Variants in VWA5B1 observed in about 807,000 individuals in gnomAD.
The protein encoded by VWA5B1 is von Willebrand factor A domain-containing protein 5B1.
In VWA5B1, 115 loss-of-function variants were observed where a neutral mutation model predicts 118.2. That is an observed-to-expected ratio of 0.97 (90% confidence interval 0.84 to 1.14). The LOEUF (loss-of-function observed/expected upper bound fraction) is 1.14. VWA5B1 is among the 50% of genes most tolerant of loss of function. VWA5B1 has a pLI of 0.00. For synonymous variants in VWA5B1, 682 were observed against 658.4 expected (o/e 1.04, Z -0.55); for missense variants, 1,596 against 1,603.8 (o/e 1.00, Z 0.08).
chr1:20,343,176 C>T lies in VWA5B1; in HGVS notation c.2409C>T (p.Ala803=). ...AGCGAGCCAGTCCCAGCAGGCCCGC[C>T]ACCCCGGCCCCGGTGCTGGGCAAGG... ...SQERASPSRP[A]TPAPVLGKAL... The change falls in exon 16 of 22, where the codon GCC becomes GCT. Residue 803 remains alanine, a synonymous_variant. Coordinates refer to ENST00000289815, the MANE Select transcript of VWA5B1 (RefSeq NM_001039500.3). 1.3e-6 allele frequency: 2 copies of T among 1,549,612 alleles called. No individual in the cohort carries two copies. Among genetic ancestry groups the T allele is most frequent in the Admixed American group, 3.9e-5 (2 of 50,972 alleles).
intron 1 of VWA5B1, among the ~76,000 whole-genome samples, chr1:20,299,151 G>A (rs1286438660): frequency 1.3e-5 from 2 of 152,086 alleles, no homozygotes; most frequent in Non-Finnish European, 2.9e-5. Flanking sequence ...GCAAAGTGTC[G>A]GGAACCTCTA....
At chr1:20,332,545 A>AAAATG (rs2089598479) in intron 11 of VWA5B1, among the ~76,000 whole-genome samples, 2 of 142,336 alleles carry the variant, frequency 1.4e-5, no homozygotes, top group African/African-American at 2.7e-5. Context: ...AAAATAAAAT[A>AAAATG]AAATGCTAAG....
chr1:20,347,447 T>C (rs953047668), intron 17 of VWA5B1, among the ~76,000 whole-genome samples: 7 of 151,590 alleles, frequency 4.6e-5, no homozygotes, highest in East Asian at 3.9e-4. Flanking sequence ...TCTTCTTCTT[T>C]TTTTTTTTCT....
At chr1:20,303,864 C>T (rs1276432459) in intron 1 of VWA5B1, among the ~76,000 whole-genome samples, 1 of 152,244 alleles carries the variant, frequency 6.6e-6, no homozygotes, top group African/African-American at 2.4e-5. Context: ...CTCTTCCCTC[C>T]TGTGCTCAGC....
chr1:20,331,071 G>A, intron 11 of VWA5B1, 88 bp downstream of exon 11: 2 of 1,122,078 alleles, frequency 1.8e-6, no homozygotes, highest in Non-Finnish European at 2.5e-6. Flanking sequence ...GTGGAGCTGG[G>A]ATGACACCCC....
intron 14 of VWA5B1, chr1:20,338,224 T>G (rs2089778331): frequency 2.6e-6 from 1 of 390,428 alleles, no homozygotes; most frequent in African/African-American, 2.1e-5. Context: ...GTCAGAGGAT[T>G]GTAACCTGTC....
rs562647865 is a variant in VWA5B1, at chr1:20,353,754, C to T, written c.3142-3C>T. Reference sequence around the variant, plus strand: ...CCCACTGAAGGGCTTCCCCCACACACAGGTGTCTCTGCAGCTGGCCTCCGG... The same window carrying T: ...CCCACTGAAGGGCTTCCCCCACACATAGGTGTCTCTGCAGCTGGCCTCCGG... On this transcript the variant is annotated splice_polypyrimidine_tract_variant and splice_region_variant and intron_variant, in intron 21 of 21. Transcript: ENST00000289815. The T allele has an allele frequency of 1.4e-6, 2 of 1,455,312 alleles. No homozygotes were observed. The highest frequency in any genetic ancestry group is 2.5e-5 in the East Asian group (1 of 40,056). 90.1% of individuals were successfully genotyped at this position (1,455,312 alleles called of 1,614,324 possible). A position where few individuals can be genotyped will look rare whatever the true frequency, so the allele number is the denominator to read the frequency against.
At chr1:20,348,943 A>G (rs1462462728) in intron 18 of VWA5B1, among the ~76,000 whole-genome samples, 11 of 152,148 alleles carry the variant, frequency 7.2e-5, no homozygotes, top group Admixed American at 7.2e-4. Flanking sequence ...CTCTCTAAAG[A>G]CAGCCTAACT....
intron 14 of VWA5B1, chr1:20,338,590 C>T (rs555330997): frequency 2.9e-4 from 46 of 156,460 alleles, no homozygotes; most frequent in Non-Finnish European, 5.2e-4. Context: ...AGTGCAATGG[C>T]GCAATCTCAG....
rs146987190 is a variant in VWA5B1, at chr1:20,311,636, G to A, written c.139+896G>A. Among the ~76,000 whole-genome samples, 504 of 152,324 alleles carry A rather than the reference G, an allele frequency of 3.3e-3. 1 individual carries two copies. Among genetic ancestry groups the A allele is most frequent in the African/African-American group, 0.012 (486 of 41,580 alleles). On this transcript the variant is annotated intron_variant, in intron 2 of 21. Transcript: ENST00000289815. ...CTCCTTCCACTTCAGGAGGGGAATT[G>A]TGGGAAGGCTAGGAGGACACCGGCC...
At chr1:20,319,339 A>G (rs2089130433) in intron 6 of VWA5B1, 43 bp from the exon 7 acceptor site, 1 of 1,546,772 alleles carries the variant, frequency 6.5e-7, no homozygotes, top group Admixed American at 2.0e-5. Flanking sequence ...TCCTTCTCCT[A>G]CGATACCTGG....
At chr1:20,307,266 G>A (rs72647038) in intron 1 of VWA5B1, among the ~76,000 whole-genome samples, 2,769 of 152,272 alleles carry the variant, frequency 0.018, 43 homozygotes, top group Middle Eastern at 0.037. Flanking sequence ...CCTGTCCCTG[G>A]GTGTTTCCTG....
At position 20,310,681 on chromosome 1, in the gene VWA5B1, A is replaced by T. The variant is rs1471482115; in HGVS notation, c.80A>T (p.Tyr27Phe). 2 of 1,551,242 alleles carry T rather than the reference A, an allele frequency of 1.3e-6. No homozygotes were observed. The highest frequency in any genetic ancestry group is 2.0e-5 in the Admixed American group (1 of 50,886). ...ASDVTSCVSG[Y>F]ALGLTASLTY... ...GATGTTACCTCCTGTGTCAGCGGTT[A>T]TGCCCTGGGCCTAACTGCCTCCCTC... is the stretch of plus-strand genomic sequence containing the variant. The change falls in exon 2 of 22, where the codon TAT becomes TTT. Residue 27 changes from tyrosine (Y) to phenylalanine (F), a missense_variant. Physicochemically the swap from Tyr to Phe is conservative, Grantham distance 22. Coordinates refer to ENST00000289815, the MANE Select transcript of VWA5B1 (RefSeq NM_001039500.3).
chr1:20,336,258 A>T (rs1466325712), intron 12 of VWA5B1, 45 bp from the exon 13 acceptor site: 2 of 1,294,432 alleles, frequency 1.5e-6, no homozygotes, highest in East Asian at 6.0e-5. Flanking sequence ...GTCCTTCCTG[A>T]CACCTAGCCT....
chr1:20,350,309 C>G, intron 19 of VWA5B1, 79 bp downstream of exon 19: 1 of 1,467,160 alleles, frequency 6.8e-7, no homozygotes, highest in Non-Finnish European at 9.3e-7. Context: ...TATCTTAGCA[C>G]CGACAAAGTC....
At position 20,354,470 on chromosome 1, in the gene VWA5B1, G is replaced by A. The variant is rs546650982; in HGVS notation, c.*207G>A. 6.3e-5 allele frequency: 39 copies of A among 617,146 alleles called. No homozygotes were observed. The highest frequency in any genetic ancestry group is 3.2e-4 in the South Asian group (15 of 47,448). 38.2% of individuals were successfully genotyped at this position (617,146 alleles called of 1,614,324 possible). ...CAACTTTAGGCCAGTGCCTGCCCCCGTCTGGGCCTCAGTTTCCTCATCTAT... is the reference window on the plus strand; with the variant it reads ...CAACTTTAGGCCAGTGCCTGCCCCCATCTGGGCCTCAGTTTCCTCATCTAT... On this transcript the variant is annotated 3_prime_UTR_variant, in exon 22 of 22. Transcript: ENST00000289815.
At chr1:20,327,628 T>TTGA (rs1424151793) in intron 8 of VWA5B1, among the ~76,000 whole-genome samples, 1 of 150,450 alleles carries the variant, frequency 6.6e-6, no homozygotes, top group Admixed American at 6.7e-5. Flanking sequence ...ATGGATAAGT[T>TTGA]TGATGATGAT....
intron 1 of VWA5B1, among the ~76,000 whole-genome samples, chr1:20,300,148 G>A (rs182614649): frequency 6.6e-6 from 1 of 152,324 alleles, no homozygotes; most frequent in Admixed American, 6.5e-5. Flanking sequence ...TTCCTCTGCT[G>A]CAAAGTGAGG....
Position 20,352,052 on chromosome 1 carries a change from C to A in VWA5B1, c.3024-3C>A. ...CCAGGGCCACCTGACTTCACCTGCA[C>A]AGGCTAAATCTCAACAAGTCCAGGC... is the stretch of plus-strand genomic sequence containing the variant. On this transcript the variant is annotated splice_polypyrimidine_tract_variant and splice_region_variant and intron_variant, in intron 20 of 21. Transcript: ENST00000289815. 6.5e-7 allele frequency: 1 copy of A among 1,549,866 alleles called. No homozygotes were observed. The highest frequency in any genetic ancestry group is 8.7e-7 in the Non-Finnish European group (1 of 1,146,134).
Sources: gnomAD v4.1 joint callset for allele counts (sites outside exome capture counted in the v4.1 genomes callset) on GRCh38, gnomAD v4.1.1 for gene constraint, MANE v1.5 for transcripts, NCBI Gene and HGNC (gene_info 2026-07-23, HGNC 2026-07-21) for gene names.